The following FNDC3B variants were observed in gnomAD, a reference collection of about 807,000 sequenced individuals.
FNDC3B encodes the protein fibronectin type III domain containing 3B.
FNDC3B carries 12 observed loss-of-function variants against 151.5 expected under a neutral mutation model. That is an observed-to-expected ratio of 0.08 (90% CI 0.05 to 0.13). FNDC3B has a LOEUF of 0.13. Among genes scored for constraint, FNDC3B ranks in the 10% least tolerant of loss-of-function variants. The probability of loss-of-function intolerance (pLI) is 1.00; values close to 1 mark genes in which losing one functional copy is unlikely to be tolerated. For missense variants in FNDC3B, 1,214 were observed against 1,505.3 expected (o/e 0.81, Z 3.20); for synonymous variants, 528 against 549.0 (o/e 0.96, Z 0.54).
rs563114138 is a variant in FNDC3B, at chr3:172,366,120, C to T, written c.3008+3275C>T. On this transcript the variant is annotated intron_variant, in intron 23 of 25. Transcript: ENST00000415807. ...AAAAAAATAAGAAAAATACTAACTT[C>T]CCTTAAGAGTAACTACTTAATGTCC... Among the ~76,000 whole-genome samples, 122 of 152,236 alleles carry T rather than the reference C, an allele frequency of 8.0e-4. 1 individual carries two copies. The South Asian group carries it at 1.0e-2, about 12-fold the overall frequency.
chr3:172,310,465 C>G (rs929878967), intron 10 of FNDC3B, among the ~76,000 whole-genome samples: 14 of 152,204 alleles, frequency 9.2e-5, no homozygotes, highest in African/African-American at 3.4e-4. Context: ...TCCAGCAGTG[C>G]CTGTGTTTCT....
chr3:172,244,094 A>T lies in FNDC3B; in HGVS notation c.265-3439A>T, dbSNP rs559065710. On this transcript the variant is annotated intron_variant, in intron 4 of 25. Transcript: ENST00000415807. ...GACTTAGTCTAATTTTTCTCTTTAT[A>T]TTCTTAGGCTGTGTGGATGAGTCTT... 5.2e-4 allele frequency among the ~76,000 whole-genome samples: 79 copies of T among 152,268 alleles called. No individual in the cohort carries two copies. In the South Asian group the frequency reaches 0.016, roughly 32 times the overall value.
At chr3:172,142,117 G>A (rs561117240) in intron 3 of FNDC3B, among the ~76,000 whole-genome samples, 4 of 152,188 alleles carry the variant, frequency 2.6e-5, no homozygotes, top group Non-Finnish European at 5.9e-5. Flanking sequence ...ATGAGTTATT[G>A]TGTACAGAGC....
At chr3:172,361,737 C>T (rs958675259) in intron 22 of FNDC3B, among the ~76,000 whole-genome samples, 2 of 152,156 alleles carry the variant, frequency 1.3e-5, no homozygotes, top group African/African-American at 2.4e-5. Context: ...ACCCTCTACT[C>T]CTCAATATCA....
intron 3 of FNDC3B, among the ~76,000 whole-genome samples, chr3:172,189,933 A>G (rs1724418108): frequency 6.6e-6 from 1 of 151,778 alleles, no homozygotes; most frequent in Non-Finnish European, 1.5e-5. Flanking sequence ...AGCAACTACC[A>G]TTTACTAGTG....
At chr3:172,274,103 C>T (rs1455048383) in intron 6 of FNDC3B, among the ~76,000 whole-genome samples, 2 of 152,024 alleles carry the variant, frequency 1.3e-5, no homozygotes, top group Admixed American at 1.3e-4. Flanking sequence ...GACATATTAC[C>T]GATGCTTTGG....
At chr3:172,314,737 A>C (rs1731694324) in intron 11 of FNDC3B, among the ~76,000 whole-genome samples, 1 of 152,192 alleles carries the variant, frequency 6.6e-6, no homozygotes, top group South Asian at 2.1e-4. Context: ...TGAGATTAGG[A>C]ATGCTGTGCC....
At chr3:172,220,411 C>T (rs1726221079) in intron 3 of FNDC3B, among the ~76,000 whole-genome samples, 1 of 152,120 alleles carries the variant, frequency 6.6e-6, no homozygotes. Flanking sequence ...TTCATATATT[C>T]TGGATACAAG....
intron 1 of FNDC3B, among the ~76,000 whole-genome samples, chr3:172,103,567 T>C (rs1045448342): frequency 1.3e-5 from 2 of 152,164 alleles, no homozygotes; most frequent in South Asian, 2.1e-4. Context: ...GCCTATACAA[T>C]AGGGACATCC....
chr3:172,120,571 G>C (rs562043903), intron 2 of FNDC3B, among the ~76,000 whole-genome samples: 51 of 152,018 alleles, frequency 3.4e-4, no homozygotes, highest in Non-Finnish European at 5.4e-4. Flanking sequence ...CAGGCATGGG[G>C]GGGGGTGTGT....
chr3:172,179,417 G>T (rs1723768947), intron 3 of FNDC3B, among the ~76,000 whole-genome samples: 1 of 152,248 alleles, frequency 6.6e-6, no homozygotes, highest in East Asian at 1.9e-4. Context: ...AAATTAAGGT[G>T]AATAAAACAT....
At chr3:172,167,948 G>T (rs1382871582) in intron 3 of FNDC3B, among the ~76,000 whole-genome samples, 2 of 152,226 alleles carry the variant, frequency 1.3e-5, no homozygotes, top group Non-Finnish European at 2.9e-5. Flanking sequence ...TGCCAAAAAG[G>T]TTGGGGACCA....
chr3:172,353,444 G>C (rs951671930), intron 22 of FNDC3B, among the ~76,000 whole-genome samples: 1 of 152,190 alleles, frequency 6.6e-6, no homozygotes, highest in Non-Finnish European at 1.5e-5. Flanking sequence ...CTTAACAGTG[G>C]CTTAAATGAT....
At position 172,247,728 on chromosome 3, in the gene FNDC3B, C is replaced by A. The variant is rs1727853195; in HGVS notation, c.460C>A (p.Gln154Lys). Residue 154 changes from glutamine to lysine, a missense_variant, in exon 5 of 26, where the codon CAG becomes AAG. By Grantham distance (53) the Gln-to-Lys change is moderately conservative. Coordinates refer to ENST00000415807, the MANE Select transcript of FNDC3B (RefSeq NM_022763.4). ...PVTGPGDMPP[Q>K]FFPQHHLPHT... ...TACCGGACCTGGAGATATGCCGCCTCAGTTTTTTCCCCAGCATCATCTTCC... is the reference window on the plus strand; with the variant it reads ...TACCGGACCTGGAGATATGCCGCCTAAGTTTTTTCCCCAGCATCATCTTCC... 1 of 1,614,146 alleles carries A rather than the reference C, an allele frequency of 6.2e-7. No homozygotes were observed. Among genetic ancestry groups the A allele is most frequent in the Non-Finnish European group, 8.5e-7 (1 of 1,180,022 alleles).
intron 6 of FNDC3B, among the ~76,000 whole-genome samples, chr3:172,285,441 G>C (rs771117478): frequency 2.0e-4 from 30 of 152,150 alleles, no homozygotes; most frequent in Non-Finnish European, 4.1e-4. Flanking sequence ...CACCCCAGTG[G>C]CTGCCCGTCG....
At chr3:172,299,976 T>C (rs1282842228) in intron 9 of FNDC3B, among the ~76,000 whole-genome samples, 2 of 152,268 alleles carry the variant, frequency 1.3e-5, no homozygotes, top group Non-Finnish European at 2.9e-5. Flanking sequence ...TTTAAAGTAA[T>C]GTATATCAGA....
intron 11 of FNDC3B, among the ~76,000 whole-genome samples, chr3:172,312,823 C>T (rs1296164661): frequency 6.6e-6 from 1 of 152,136 alleles, no homozygotes; most frequent in African/African-American, 2.4e-5. Context: ...TACCATTGCT[C>T]AGTTCCTCAT....
At chr3:172,278,229 G>A (rs976469033) in intron 6 of FNDC3B, among the ~76,000 whole-genome samples, 6 of 152,150 alleles carry the variant, frequency 3.9e-5, no homozygotes, top group African/African-American at 1.2e-4. Context: ...CTTGCAAAAA[G>A]TATTGTATAA....
chr3:172,232,635 T>A (rs1346163284), intron 4 of FNDC3B, among the ~76,000 whole-genome samples: 1 of 152,156 alleles, frequency 6.6e-6, no homozygotes, highest in Non-Finnish European at 1.5e-5. Context: ...TGAGAGAAAA[T>A]ATAGACCTTT....
Sources: allele counts gnomAD v4.1 joint callset (sites outside exome capture counted in the v4.1 genomes callset), GRCh38; gene constraint gnomAD v4.1.1; transcripts MANE v1.5; gene names NCBI Gene and HGNC (gene_info 2026-07-23, HGNC 2026-07-21).